Variants in SRPK2 observed in about 807,000 individuals in gnomAD.
The protein encoded by SRPK2 is SRSF protein kinase 2, also known as SFRS protein kinase 2.
In SRPK2, 21 loss-of-function variants were observed where a neutral mutation model predicts 90.8. That is an observed-to-expected ratio of 0.23 (90% confidence interval 0.16 to 0.33). The LOEUF (loss-of-function observed/expected upper bound fraction) is 0.33, where lower values mean the gene tolerates loss of function less well. SRPK2 is among the 10% of genes least tolerant of loss of function. The pLI is 1.00. For synonymous variants in SRPK2, 288 were observed against 311.1 expected (o/e 0.93, Z 0.78); for missense variants, 620 against 869.0 (o/e 0.71, Z 3.60).
chr7:105,229,550 T>C (rs1250551062), intron 2 of SRPK2, among the ~76,000 whole-genome samples: 2 of 152,168 alleles, frequency 1.3e-5, no homozygotes, highest in Admixed American at 6.5e-5. Context: ...ATACGTAGCT[T>C]TGATCTTAGC....
chr7:105,224,041 TTA>T (rs1798418571), intron 2 of SRPK2, among the ~76,000 whole-genome samples: 1 of 152,220 alleles, frequency 6.6e-6, no homozygotes. Flanking sequence ...TAGTTTTAGT[TTA>T]TTTCATATGG....
At chr7:105,361,670 G>A (rs796354264) in intron 2 of SRPK2, among the ~76,000 whole-genome samples, 73 of 152,072 alleles carry the variant, frequency 4.8e-4, no homozygotes, top group African/African-American at 1.5e-3. Context: ...AAATACCACC[G>A]CACATCTACA....
In SRPK2 at chr7:105,363,153, T is replaced by C. The variant is rs192859177; in HGVS notation, c.71+25495A>G. 2.0e-3 allele frequency among the ~76,000 whole-genome samples: 301 copies of C among 152,172 alleles called. 3 individuals are homozygous for C. The highest frequency in any genetic ancestry group is 7.0e-3 in the African/African-American group (289 of 41,534). ...TATACATATGTAATAAAGCTGCACG[T>C]TGTGCACATGTACCCTAGAACTTAA... On this transcript the variant is annotated intron_variant, in intron 2 of 15. Coordinates refer to ENST00000393651, the MANE Select transcript of SRPK2 (RefSeq NM_182692.3).
intron 2 of SRPK2, among the ~76,000 whole-genome samples, chr7:105,370,585 A>G (rs1400459102): frequency 6.6e-6 from 1 of 151,620 alleles, no homozygotes; most frequent in African/African-American, 2.4e-5. Flanking sequence ...GGAACTGACA[A>G]GCCAATTTTT....
intron 3 of SRPK2, among the ~76,000 whole-genome samples, chr7:105,200,969 G>T (rs1795471934): frequency 6.6e-6 from 1 of 152,218 alleles, no homozygotes; most frequent in African/African-American, 2.4e-5. Flanking sequence ...TTCTGATCTT[G>T]ATGGTTGTAT....
intron 2 of SRPK2, among the ~76,000 whole-genome samples, chr7:105,239,144 C>T (rs1308225541): frequency 6.6e-6 from 1 of 152,152 alleles, no homozygotes; most frequent in Non-Finnish European, 1.5e-5. Flanking sequence ...ATTAGGAAAC[C>T]CTACTCTAGA....
At chr7:105,159,463 A>AAACAAAAAAAAAAAAAAAAAAAAAAAAC (rs944230531) in intron 7 of SRPK2, among the ~76,000 whole-genome samples, 1 of 146,522 alleles carries the variant, frequency 6.8e-6, no homozygotes, top group African/African-American at 2.6e-5. Flanking sequence ...AAAAAAAAAA[A>AAACAAAAAAAAAAAAAAAAAAAAAAAAC]AAAAAAAAAA....
chr7:105,145,196 A>G, intron 9 of SRPK2, 87 bp downstream of exon 9: 1 of 1,062,460 alleles, frequency 9.4e-7, no homozygotes, highest in Non-Finnish European at 1.3e-6. Flanking sequence ...CCCTTTAAAT[A>G]CACAACTTTT....
chr7:105,211,237 A>G (rs1796816182), intron 2 of SRPK2, among the ~76,000 whole-genome samples: 1 of 152,176 alleles, frequency 6.6e-6, no homozygotes, highest in Non-Finnish European at 1.5e-5. Context: ...GGCCTCAAAA[A>G]GATCTGATTT....
intron 2 of SRPK2, among the ~76,000 whole-genome samples, chr7:105,372,767 G>C (rs1819845801): frequency 6.6e-6 from 1 of 151,914 alleles, no homozygotes; most frequent in Non-Finnish European, 1.5e-5. Context: ...TTTCCTCTTT[G>C]CAAACAGAAT....
At position 105,169,278 on chromosome 7, in the gene SRPK2, G is replaced by C. The variant is rs758868754; in HGVS notation, c.230-13C>G. ...GGATGATATCCACCTTAAAAAACAA[G>C]AAAGAAAGAAAAAAATTCAAAATAT... is the stretch of plus-strand genomic sequence containing the variant. On this transcript the variant is annotated splice_polypyrimidine_tract_variant and intron_variant, in intron 3 of 15. Transcript: ENST00000393651. The C allele has an allele frequency of 1.3e-6, 2 of 1,583,530 alleles. No individual in the cohort carries two copies. Among genetic ancestry groups the C allele is most frequent in the Middle Eastern group, 1.7e-4 (1 of 5,872 alleles).
At chr7:105,213,971 A>G (rs1482740850) in intron 2 of SRPK2, among the ~76,000 whole-genome samples, 1 of 152,374 alleles carries the variant, frequency 6.6e-6, no homozygotes, top group East Asian at 1.9e-4. Flanking sequence ...TCTACCTTCT[A>G]AAGTAATTTA....
rs183245366 is a variant in SRPK2, at chr7:105,262,916, G to A, written c.72-59131C>T. ...AGCATACACAGTTGGTGGAAGTATA[G>A]AGTGGTACATTCACTTTGGAAAACT... On this transcript the variant is annotated intron_variant, in intron 2 of 15. Transcript: ENST00000393651. Among the ~76,000 whole-genome samples the A allele has an allele frequency of 2.0e-3, 312 of 152,326 alleles. 2 individuals are homozygous for A. In the Middle Eastern group the frequency reaches 0.044, roughly 22 times the overall value.
At chr7:105,298,655 C>A in intron 2 of SRPK2, 2 of 877,998 alleles carry the variant, frequency 2.3e-6, no homozygotes, top group Non-Finnish European at 2.7e-6. Context: ...TAAAAAGGCC[C>A]CATAGGATAG....
intron 2 of SRPK2, among the ~76,000 whole-genome samples, chr7:105,266,622 C>T (rs534803755): frequency 6.6e-6 from 1 of 152,208 alleles, no homozygotes; most frequent in Admixed American, 6.5e-5. Context: ...AGATTTAGAG[C>T]ACCATGCCTC....
intron 2 of SRPK2, among the ~76,000 whole-genome samples, chr7:105,241,050 G>A (rs763879963): frequency 4.6e-5 from 7 of 152,132 alleles, no homozygotes; most frequent in Non-Finnish European, 5.9e-5. Flanking sequence ...CACAGAAATG[G>A]TGTCAGAAAA....
intron 2 of SRPK2, among the ~76,000 whole-genome samples, chr7:105,287,091 C>G (rs916731742): frequency 1.3e-5 from 2 of 150,898 alleles, no homozygotes; most frequent in Non-Finnish European, 3.0e-5. Context: ...GAAACCCCGT[C>G]TCTACTAAAA....
At chr7:105,125,749 T>C (rs138643771) in intron 15 of SRPK2, 5 of 984,132 alleles carry the variant, frequency 5.1e-6, no homozygotes, top group African/African-American at 5.0e-5. Flanking sequence ...GAGAAGACTA[T>C]GCTGAAAATT....
At chr7:105,349,271 C>A (rs1206293466) in intron 2 of SRPK2, among the ~76,000 whole-genome samples, 1 of 151,830 alleles carries the variant, frequency 6.6e-6, no homozygotes, top group South Asian at 2.1e-4. Flanking sequence ...GCCTGTAATC[C>A]CAGCACTTTG....
Sources: allele counts gnomAD v4.1 joint callset (sites outside exome capture counted in the v4.1 genomes callset), GRCh38; gene constraint gnomAD v4.1.1; transcripts MANE v1.5; gene names NCBI Gene and HGNC (gene_info 2026-07-23, HGNC 2026-07-21).